Variants in KIAA1671 observed in about 807,000 individuals in gnomAD.
KIAA1671 encodes uncharacterized protein KIAA1671.
Under a neutral mutation model 131.2 loss-of-function variants are expected in KIAA1671, and 52 were observed. The ratio of observed to expected loss-of-function variants is 0.40; its 90% confidence interval spans 0.32 to 0.50. The LOEUF (loss-of-function observed/expected upper bound fraction) is 0.50, where lower values mean the gene tolerates loss of function less well. Ranked by LOEUF, KIAA1671 falls within the 20% of genes least tolerant of loss-of-function variation. The pLI is 0.73. For missense variants in KIAA1671, 2,360 were observed against 2,364.2 expected (o/e 1.00, Z 0.04); for synonymous variants, 1,003 against 961.6 (o/e 1.04, Z -0.80).
At chr22:25,014,529 CA>C (rs1925203216) in intron 1 of KIAA1671, 2 of 152,066 alleles carry the variant, frequency 1.3e-5, no homozygotes, top group African/African-American at 4.8e-5. Context: ...CTCAGCCTCC[CA>C]AAGTGCTGGA....
chr22:25,001,235 A>ATG (rs66487534), intron 1 of KIAA1671, among the ~76,000 whole-genome samples: 18,904 of 121,198 alleles, frequency 0.16, 1,363 homozygotes, highest in East Asian at 0.37. Context: ...ATGTGTGTGT[A>ATG]TATGTGTGTG....
chr22:24,996,369 G>A (rs908398839), intron 1 of KIAA1671, among the ~76,000 whole-genome samples: 2 of 152,140 alleles, frequency 1.3e-5, no homozygotes, highest in African/African-American at 2.4e-5. Flanking sequence ...GCACTCACAC[G>A]AGCCTTATGG....
At chr22:25,044,543 G>A (rs376212543) in intron 5 of KIAA1671, among the ~76,000 whole-genome samples, 1 of 152,144 alleles carries the variant, frequency 6.6e-6, no homozygotes, top group Admixed American at 6.5e-5. Context: ...GTTGTCAGGG[G>A]ATCTGTTTTC....
intron 5 of KIAA1671, among the ~76,000 whole-genome samples, chr22:25,048,644 T>C (rs1927368410): frequency 6.6e-6 from 1 of 152,000 alleles, no homozygotes; most frequent in Admixed American, 6.6e-5. Flanking sequence ...TATATATAAC[T>C]AAGTGGAAAA....
intron 6 of KIAA1671, among the ~76,000 whole-genome samples, chr22:25,113,648 G>T (rs1931504377): frequency 1.3e-5 from 2 of 152,226 alleles, no homozygotes; most frequent in South Asian, 4.1e-4. Flanking sequence ...AGCCAGAGCA[G>T]GCAGTTGCAA....
In KIAA1671 at chr22:25,039,621, C is replaced by T; in HGVS notation, c.2491C>T (p.His831Tyr). 3 of 1,549,950 alleles carry T rather than the reference C, an allele frequency of 1.9e-6. No individual in the cohort carries two copies. Among genetic ancestry groups the T allele is most frequent in the Non-Finnish European group, 2.6e-6 (3 of 1,145,724 alleles). Residue 831 changes from histidine (H) to tyrosine (Y), a missense_variant, in exon 5 of 13, where the codon CAC (histidine) becomes TAC (tyrosine). Physicochemically the swap from His to Tyr is moderately conservative, Grantham distance 83 (BLOSUM62 2). This residue lies in a region of KIAA1671 where 1,185 missense variants were observed against 1,126.2 expected (regional missense o/e 1.05). Coordinates refer to ENST00000358431, the MANE Select transcript of KIAA1671 (RefSeq NM_001145206.2). ...GACAGGCGGGGCAGTGGTGAGCTCG[C>T]ACAAAGCCACCGTGGCAGTCAGCGA... ...KWTGGAVVSS[H>Y]KATVAVSEEH...
chr22:25,117,463 C>G (rs1213562590), intron 6 of KIAA1671, among the ~76,000 whole-genome samples: 1 of 152,082 alleles, frequency 6.6e-6, no homozygotes, highest in South Asian at 2.1e-4. Context: ...TATTAAACAT[C>G]GGCCCCAGAG....
chr22:25,166,837 C>T (rs899089975), intron 6 of KIAA1671, among the ~76,000 whole-genome samples: 6 of 151,862 alleles, frequency 4.0e-5, no homozygotes, highest in African/African-American at 7.3e-5. Flanking sequence ...TCCCCACCCT[C>T]GCTATAAGCT....
At chr22:24,955,243 T>G (rs1367922333) in intron 1 of KIAA1671, among the ~76,000 whole-genome samples, 7 of 152,232 alleles carry the variant, frequency 4.6e-5, no homozygotes, top group African/African-American at 1.7e-4. Context: ...TATCATTTGT[T>G]CCTTCAACAA....
chr22:25,071,292 A>G (rs190268277), intron 6 of KIAA1671, among the ~76,000 whole-genome samples: 63 of 152,316 alleles, frequency 4.1e-4, no homozygotes, highest in African/African-American at 1.5e-3. Flanking sequence ...AGTGTTTGCA[A>G]ATACTTCAGA....
At chr22:25,032,998 A>G (rs1926376837) in intron 4 of KIAA1671, among the ~76,000 whole-genome samples, 1 of 152,056 alleles carries the variant, frequency 6.6e-6, no homozygotes, top group Non-Finnish European at 1.5e-5. Flanking sequence ...AAATACTAAA[A>G]TTTAGGTTTA....
intron 1 of KIAA1671, among the ~76,000 whole-genome samples, chr22:24,974,781 T>G (rs1922830719): frequency 6.8e-6 from 1 of 147,662 alleles, no homozygotes; most frequent in East Asian, 2.0e-4. Context: ...CAACCTCAAC[T>G]TTCCGGCTTC....
At position 25,017,129 on chromosome 22, in the gene KIAA1671, T is replaced by C. The variant is rs1485425669; in HGVS notation, c.-207-8504T>C. ...TGGGCGCGGTGGCTCATGCCTGTAA[T>C]CCCAGCAGTTTGGGAGGCTGAGGTG... On this transcript the variant is annotated intron_variant, in intron 1 of 12. Coordinates refer to ENST00000358431, the MANE Select transcript of KIAA1671 (RefSeq NM_001145206.2). Among the ~76,000 whole-genome samples, 4 of 152,124 alleles carry C rather than the reference T, an allele frequency of 2.6e-5. No individual in the cohort carries two copies. The East Asian group carries it at 7.7e-4, about 29-fold the overall frequency.
At chr22:25,143,305 G>T (rs1932832516) in intron 6 of KIAA1671, among the ~76,000 whole-genome samples, 1 of 152,216 alleles carries the variant, frequency 6.6e-6, no homozygotes, top group Non-Finnish European at 1.5e-5. Flanking sequence ...CACTCTCAGG[G>T]GTCTGAGGAG....
At chr22:25,116,858 A>G (rs1931690163) in intron 6 of KIAA1671, among the ~76,000 whole-genome samples, 1 of 152,224 alleles carries the variant, frequency 6.6e-6, no homozygotes, top group African/African-American at 2.4e-5. Context: ...GAATGTAAAT[A>G]TGTCATATAT....
chr22:25,063,737 A>G (rs985702996), intron 6 of KIAA1671: 10 of 152,218 alleles, frequency 6.6e-5, no homozygotes, highest in Admixed American at 5.2e-4. Context: ...AAAGCAAAAC[A>G]AAAACCATCC....
At position 25,019,880 on chromosome 22, in the gene KIAA1671, G is replaced by A. The variant is rs1602071942; in HGVS notation, c.-207-5753G>A. On this transcript the variant is annotated intron_variant, in intron 1 of 12. Transcript: ENST00000358431. ...TTTTTGTGCAGGCTGGGAATTGGAG[G>A]TCTGCTCTTCCTACTGACAGGTTGC... Among the ~76,000 whole-genome samples, 8 of 152,248 alleles carry A rather than the reference G, an allele frequency of 5.3e-5. No homozygotes were observed. In the South Asian group the frequency reaches 1.7e-3, roughly 32 times the overall value.
At chr22:25,066,715 G>T (rs1466266607) in intron 6 of KIAA1671, among the ~76,000 whole-genome samples, 1 of 152,036 alleles carries the variant, frequency 6.6e-6, no homozygotes, top group Non-Finnish European at 1.5e-5. Flanking sequence ...GTTTTTAGGG[G>T]TCTCCATTCA....
Position 25,174,458 on chromosome 22 carries a change from A to G in KIAA1671, c.4868A>G (p.Glu1623Gly). 6.5e-7 allele frequency: 1 copy of G among 1,540,328 alleles called. No homozygotes were observed. Among genetic ancestry groups the G allele is most frequent in the African/African-American group, 1.4e-5 (1 of 72,838 alleles). ...CCGCCTCCACCGGACGCCTGCCCTG[A>G]AAAGAGAGTAGATGACTTCTCCTTC... ...EGPPPPDACP[E>G]KRVDDFSFID... is the part of the protein sequence containing the mutation. Residue 1623 changes from glutamate (E) to glycine (G), a missense_variant, in exon 8 of 13, where the codon GAA becomes GGA. Physicochemically the swap from Glu to Gly is moderately conservative, Grantham distance 98. Around this residue, in one of 3 missense-constraint regions of KIAA1671, gnomAD observed 1,161 missense variants for 1,204.7 expected, o/e 0.96. Coordinates refer to ENST00000358431, the MANE Select transcript of KIAA1671 (RefSeq NM_001145206.2).
Sources: allele counts gnomAD v4.1 joint callset (sites outside exome capture counted in the v4.1 genomes callset), GRCh38; gene constraint gnomAD v4.1.1; regional missense constraint gnomAD v4.1.1; transcripts MANE v1.5; gene names NCBI Gene and HGNC (gene_info 2026-07-23, HGNC 2026-07-21).